Variants in ETV6 observed in about 807,000 individuals in gnomAD.
ETV6 encodes the protein transcription factor ETV6.
ETV6 carries 16 observed loss-of-function variants against 51.1 expected under a neutral mutation model. The ratio of observed to expected loss-of-function variants is 0.31; its 90% confidence interval spans 0.21 to 0.48. The LOEUF (loss-of-function observed/expected upper bound fraction) is 0.48, where lower values mean the gene tolerates loss of function less well. Among genes scored for constraint, ETV6 ranks in the 20% least tolerant of loss-of-function variants. The pLI is 0.99. For synonymous variants in ETV6, 240 were observed against 224.1 expected (o/e 1.07, Z -0.64); for missense variants, 458 against 594.8 (o/e 0.77, Z 2.39).
intron 1 of ETV6, among the ~76,000 whole-genome samples, chr12:11,749,981 G>A (rs1034019847): frequency 6.6e-6 from 1 of 152,214 alleles, no homozygotes; most frequent in East Asian, 1.9e-4. Context: ...CTCCAGCTGA[G>A]TAGAAACCAT....
At chr12:11,814,659 C>A (rs1156368859) in intron 2 of ETV6, among the ~76,000 whole-genome samples, 1 of 152,188 alleles carries the variant, frequency 6.6e-6, no homozygotes, top group Non-Finnish European at 1.5e-5. Context: ...GCTCTGCAGC[C>A]CTCTCTCAGG....
chr12:11,677,816 A>G (rs1444331181), intron 1 of ETV6, among the ~76,000 whole-genome samples: 1 of 152,240 alleles, frequency 6.6e-6, no homozygotes, highest in Non-Finnish European at 1.5e-5. Context: ...TGTTTCCAAG[A>G]GCATCTACCA....
chr12:11,821,188 C>T (rs1263965824), intron 2 of ETV6, among the ~76,000 whole-genome samples: 1 of 151,510 alleles, frequency 6.6e-6, no homozygotes, highest in African/African-American at 2.4e-5. Flanking sequence ...CGGCAAAACC[C>T]CATCTCTACT....
chr12:11,662,640 G>C (rs145283307), intron 1 of ETV6, among the ~76,000 whole-genome samples: 9 of 152,304 alleles, frequency 5.9e-5, no homozygotes, highest in Non-Finnish European at 1.3e-4. Flanking sequence ...TTATATGTAG[G>C]TTATAGGTGA....
chr12:11,731,812 T>G (rs1395640292), intron 1 of ETV6, among the ~76,000 whole-genome samples: 1 of 152,230 alleles, frequency 6.6e-6, no homozygotes, highest in Non-Finnish European at 1.5e-5. Flanking sequence ...TTAGCTGGTA[T>G]TCTACCAGCT....
At chr12:11,753,556 A>G (rs1228804165) in intron 2 of ETV6, among the ~76,000 whole-genome samples, 1 of 152,170 alleles carries the variant, frequency 6.6e-6, no homozygotes, top group Non-Finnish European at 1.5e-5. Flanking sequence ...CTTGCTCACC[A>G]TCTCTCTCCA....
intron 1 of ETV6, among the ~76,000 whole-genome samples, chr12:11,677,504 A>G (rs1214945812): frequency 6.6e-6 from 1 of 152,206 alleles, no homozygotes; most frequent in Non-Finnish European, 1.5e-5. Flanking sequence ...ATGGATGGCT[A>G]GATTTTTCTT....
intron 1 of ETV6, among the ~76,000 whole-genome samples, chr12:11,746,882 ATCTGCTTG>A (rs1172046728): frequency 6.8e-6 from 1 of 146,466 alleles, no homozygotes; most frequent in Non-Finnish European, 1.5e-5. Context: ...ACTTAATTGT[ATCTGCTTG>A]ACAGAAGCAA....
At chr12:11,816,230 C>T (rs563223622) in intron 2 of ETV6, among the ~76,000 whole-genome samples, 1 of 152,300 alleles carries the variant, frequency 6.6e-6, no homozygotes, top group South Asian at 2.1e-4. Context: ...TAAGCAAAAA[C>T]AGTTAGCTTT....
At chr12:11,829,952 G>T (rs1404560816) in intron 2 of ETV6, among the ~76,000 whole-genome samples, 1 of 152,212 alleles carries the variant, frequency 6.6e-6, no homozygotes, top group Non-Finnish European at 1.5e-5. Flanking sequence ...AGACCCAGAG[G>T]AGTGAGATGT....
intron 2 of ETV6, among the ~76,000 whole-genome samples, chr12:11,788,373 T>TA (rs1334984115): frequency 5.9e-5 from 9 of 151,858 alleles, no homozygotes; most frequent in Admixed American, 2.0e-4. Flanking sequence ...ATTCTGCCTT[T>TA]AAAAAAAACG....
At chr12:11,854,412 T>G (rs1946601869) in intron 4 of ETV6, among the ~76,000 whole-genome samples, 1 of 152,162 alleles carries the variant, frequency 6.6e-6, no homozygotes, top group Admixed American at 6.5e-5. Flanking sequence ...GGACCCCGCC[T>G]TAGAAATCCA....
chr12:11,872,582 G>A (rs909374121), intron 5 of ETV6, among the ~76,000 whole-genome samples: 4 of 149,898 alleles, frequency 2.7e-5, no homozygotes, highest in East Asian at 1.9e-4. Flanking sequence ...CAACCTCTGC[G>A]TCCTAGGTTC....
intron 1 of ETV6, among the ~76,000 whole-genome samples, chr12:11,685,439 T>G (rs1160188900): frequency 9.2e-5 from 14 of 152,160 alleles, no homozygotes; most frequent in Admixed American, 9.2e-4. Flanking sequence ...AGAGCTCTAT[T>G]TTCTGCTGGG....
chr12:11,892,397 T>C lies in ETV6; in HGVS notation c.*1351T>C, dbSNP rs1239415119. Reference sequence around the variant, plus strand: ...TTTTTCTTTCTTTCATAGCTGTGTCTCAGAAAGGACCCATTTGTGGCTCTT... The same window carrying C: ...TTTTTCTTTCTTTCATAGCTGTGTCCCAGAAAGGACCCATTTGTGGCTCTT... On this transcript the variant is annotated 3_prime_UTR_variant, in exon 8 of 8. Transcript: ENST00000396373. 1 of 233,000 alleles carries C rather than the reference T, an allele frequency of 4.3e-6. No individual in the cohort carries two copies. Among genetic ancestry groups the C allele is most frequent in the Non-Finnish European group, 8.5e-6 (1 of 118,032 alleles). 14.4% of individuals were successfully genotyped at this position (233,000 alleles called of 1,614,324 possible).
chr12:11,682,325 G>T (rs982633830), intron 1 of ETV6, among the ~76,000 whole-genome samples: 1 of 152,168 alleles, frequency 6.6e-6, no homozygotes. Context: ...CAGTGATGAT[G>T]AGCTTTTTTT....
chr12:11,764,352 C>T (rs1034400991), intron 2 of ETV6, among the ~76,000 whole-genome samples: 6 of 152,170 alleles, frequency 3.9e-5, no homozygotes, highest in African/African-American at 1.4e-4. Context: ...GAGCCTGGAG[C>T]TCTGAGGCCA....
chr12:11,682,438 A>G (rs1184773858), intron 1 of ETV6, among the ~76,000 whole-genome samples: 1 of 152,068 alleles, frequency 6.6e-6, no homozygotes, highest in Non-Finnish European at 1.5e-5. Flanking sequence ...AATTTGTTTT[A>G]AGTTCCTTCT....
chr12:11,849,489 G>T (rs1334542292), intron 3 of ETV6, among the ~76,000 whole-genome samples: 1 of 152,160 alleles, frequency 6.6e-6, no homozygotes, highest in East Asian at 1.9e-4. Context: ...CAAGAGAGCA[G>T]GCTGGGTGTC....
Sources: gnomAD v4.1 joint callset for allele counts (sites outside exome capture counted in the v4.1 genomes callset) on GRCh38, gnomAD v4.1.1 for gene constraint, MANE v1.5 for transcripts, NCBI Gene and HGNC (gene_info 2026-07-23, HGNC 2026-07-21) for gene names.